Variants in WDR72 observed in about 807,000 individuals in gnomAD.
WDR72 encodes the protein WD repeat-containing protein 72.
Under a neutral mutation model 124.2 loss-of-function variants are expected in WDR72, and 120 were observed. The ratio of observed to expected loss-of-function variants is 0.97; its 90% CI spans 0.83 to 1.12. WDR72 has a LOEUF of 1.12. Among genes scored for constraint, WDR72 ranks in the 50% most tolerant of loss-of-function variants. The pLI is 0.00. For missense variants in WDR72, 1,387 were observed against 1,278.8 expected (o/e 1.08, Z -1.29); for synonymous variants, 452 against 441.7 (o/e 1.02, Z -0.29).
At chr15:53,728,734 A>T (rs1410293573) in intron 2 of WDR72, among the ~76,000 whole-genome samples, 3 of 152,174 alleles carry the variant, frequency 2.0e-5, no homozygotes, top group African/African-American at 7.2e-5. Flanking sequence ...CAATGCCAGA[A>T]AACCCAAGTA....
chr15:53,672,490 G>T (rs2016030951), intron 13 of WDR72, among the ~76,000 whole-genome samples: 2 of 152,036 alleles, frequency 1.3e-5, no homozygotes, highest in African/African-American at 4.8e-5. Context: ...AAATTTATAG[G>T]CATCTACAGT....
intron 13 of WDR72, among the ~76,000 whole-genome samples, chr15:53,683,928 T>C (rs1379915399): frequency 6.6e-6 from 1 of 152,140 alleles, no homozygotes; most frequent in Non-Finnish European, 1.5e-5. Flanking sequence ...TAACCTTTTT[T>C]ACACCATGAA....
rs527378631 is a variant in WDR72 at position 53,522,328 on chromosome 15, A to C, written c.3253+890T>G. Among the ~76,000 whole-genome samples, 6 of 152,194 alleles carry C rather than the reference A, an allele frequency of 3.9e-5. No homozygotes were observed. The East Asian group carries it at 1.2e-3, about 30-fold the overall frequency. On this transcript the variant is annotated intron_variant, in intron 19 of 19. Coordinates refer to ENST00000360509, the MANE Select transcript of WDR72 (RefSeq NM_182758.4). ...TGACAGGCCACAGAGAGGATGAATCAAAAATATGATACATGGATCAGCACA... is the reference window on the plus strand; with the variant it reads ...TGACAGGCCACAGAGAGGATGAATCCAAAATATGATACATGGATCAGCACA...
At chr15:53,729,851 G>T (rs1214432672) in intron 2 of WDR72, among the ~76,000 whole-genome samples, 3 of 152,128 alleles carry the variant, frequency 2.0e-5, no homozygotes, top group African/African-American at 7.2e-5. Context: ...GAAATTGGTT[G>T]CCCTGTGTAC....
intron 18 of WDR72, among the ~76,000 whole-genome samples, chr15:53,578,892 C>T (rs2011764867): frequency 1.3e-5 from 2 of 152,018 alleles, no homozygotes; most frequent in African/African-American, 4.8e-5. Context: ...AAAAATGACC[C>T]CTCATTGGTA....
intron 14 of WDR72, among the ~76,000 whole-genome samples, chr15:53,630,911 G>A (rs1472818710): frequency 6.6e-6 from 1 of 152,122 alleles, no homozygotes; most frequent in African/African-American, 2.4e-5. Flanking sequence ...AAAGAAGGAA[G>A]TAAAACTGTC....
chr15:53,668,223 A>G (rs2015846238), intron 13 of WDR72, among the ~76,000 whole-genome samples: 1 of 152,260 alleles, frequency 6.6e-6, no homozygotes, highest in Admixed American at 6.5e-5. Context: ...ATGATTAGTT[A>G]TAAAATAGTT....
intron 9 of WDR72, among the ~76,000 whole-genome samples, chr15:53,710,573 AG>A (rs1393117016): frequency 6.6e-6 from 1 of 152,236 alleles, no homozygotes; most frequent in Admixed American, 6.5e-5. Context: ...CGGTGAAATT[AG>A]GAATTTTAAT....
At chr15:53,686,614 A>C (rs1159037341) in intron 13 of WDR72, among the ~76,000 whole-genome samples, 1 of 150,746 alleles carries the variant, frequency 6.6e-6, no homozygotes, top group African/African-American at 2.5e-5. Context: ...TAATAATGGG[A>C]GACTTTAACA....
chr15:53,538,702 G>A (rs1729013540), intron 18 of WDR72, among the ~76,000 whole-genome samples: 1 of 151,984 alleles, frequency 6.6e-6, no homozygotes, highest in Non-Finnish European at 1.5e-5. Context: ...AAAGTTTTTT[G>A]CTGTGTTTTT....
intron 13 of WDR72, among the ~76,000 whole-genome samples, chr15:53,676,695 T>C (rs1331415721): frequency 6.6e-6 from 1 of 152,184 alleles, no homozygotes; most frequent in Non-Finnish European, 1.5e-5. Flanking sequence ...TTATTTTGCC[T>C]CATGAGATCC....
At chr15:53,587,706 A>C (rs1024509578) in intron 18 of WDR72, among the ~76,000 whole-genome samples, 11 of 152,038 alleles carry the variant, frequency 7.2e-5, no homozygotes, top group African/African-American at 2.7e-4. Context: ...TAATGAGAAG[A>C]AACATGTGAG....
In WDR72 at chr15:53,690,064, T is replaced by G. The variant is rs1183975435; in HGVS notation, c.1765+9686A>C. ...GGGAGCATCACACTCTGGGGACTGT[T>G]GTGGGGTGGGGGGAGGGGGGAGGGA... On this transcript the variant is annotated intron_variant, in intron 13 of 19. Transcript: ENST00000360509. Among the ~76,000 whole-genome samples, 4 of 102,702 alleles carry G rather than the reference T, an allele frequency of 3.9e-5. No individual in the cohort carries two copies. In the Admixed American group the frequency reaches 4.1e-4, roughly 10 times the overall value. The allele number at this position is 102,702 out of a possible 152,430, so 67.4% of individuals were successfully genotyped here.
intron 16 of WDR72, among the ~76,000 whole-genome samples, chr15:53,610,833 A>G (rs542759049): frequency 6.6e-6 from 1 of 152,254 alleles, no homozygotes; most frequent in South Asian, 2.1e-4. Context: ...AGGTAAGAGA[A>G]CATTTTCTTT....
chr15:53,711,250 C>A (rs1339894380), intron 8 of WDR72, 86 bp downstream of exon 8: 3 of 1,584,978 alleles, frequency 1.9e-6, no homozygotes, highest in Non-Finnish European at 2.6e-6. Flanking sequence ...TGATCATGGG[C>A]AGCATGCAGG....
chr15:53,598,798 C>A (rs1214375443), intron 17 of WDR72, among the ~76,000 whole-genome samples: 7 of 152,160 alleles, frequency 4.6e-5, no homozygotes, highest in African/African-American at 1.7e-4. Flanking sequence ...GTGAATGGTG[C>A]TTACTCATGA....
chr15:53,690,017 T>G lies in WDR72; in HGVS notation c.1765+9733A>C, dbSNP rs938551906. Among the ~76,000 whole-genome samples the G allele has an allele frequency of 3.9e-4, 52 of 132,976 alleles. 1 individual carries two copies. The highest frequency in any genetic ancestry group is 1.0e-3 in the African/African-American group (35 of 34,714). The allele number at this position is 132,976 out of a possible 152,430, so 87.2% of individuals were successfully genotyped here. A position where few individuals can be genotyped will look rare whatever the true frequency, so the allele number is the denominator to read the frequency against. ...CACTCATAGGTGGGAATTGAACAAT[T>G]AGATCACATGGACACAGGAAGGGGA... is the stretch of plus-strand genomic sequence containing the variant. On this transcript the variant is annotated intron_variant, in intron 13 of 19. Transcript: ENST00000360509.
chr15:53,556,711 T>C (rs1208592398), intron 18 of WDR72, among the ~76,000 whole-genome samples: 1 of 152,126 alleles, frequency 6.6e-6, no homozygotes, highest in Non-Finnish European at 1.5e-5. Context: ...CAATCCACTA[T>C]AGCATGCTCA....
chr15:53,573,680 G>A (rs1894645868), intron 18 of WDR72, among the ~76,000 whole-genome samples: 1 of 151,902 alleles, frequency 6.6e-6, no homozygotes, highest in Admixed American at 6.6e-5. Flanking sequence ...TGAGTAGTTG[G>A]GACTATAGGC....
Sources: gnomAD v4.1 joint callset for allele counts (sites outside exome capture counted in the v4.1 genomes callset) on GRCh38, gnomAD v4.1.1 for gene constraint, MANE v1.5 for transcripts, NCBI Gene and HGNC (gene_info 2026-07-23, HGNC 2026-07-21) for gene names.